Variants in PTPN4 observed in about 807,000 individuals in gnomAD.
PTPN4 encodes the protein tyrosine-protein phosphatase non-receptor type 4.
PTPN4 carries 49 observed loss-of-function variants against 135.5 expected under a neutral mutation model. The ratio of observed to expected loss-of-function variants is 0.36; its 90% CI spans 0.29 to 0.46. The LOEUF is 0.46. Among genes scored for constraint, PTPN4 ranks in the 20% least tolerant of loss-of-function variants. The pLI is 1.00. For missense variants in PTPN4, 860 were observed against 1,101.0 expected, an observed-to-expected ratio of 0.78 and a Z score of 3.10; for synonymous variants, 333 against 369.9, an observed-to-expected ratio of 0.90 and a Z score of 1.14.
At chr2:119,776,271 G>A (rs1039550726) in intron 1 of PTPN4, among the ~76,000 whole-genome samples, 6 of 152,286 alleles carry the variant, frequency 3.9e-5, no homozygotes, top group Admixed American at 3.9e-4. Flanking sequence ...CGCCTCCTGG[G>A]TTCACGCCAT....
At chr2:119,882,174 C>G in intron 7 of PTPN4, 25 bp downstream of exon 7, 1 of 1,573,258 alleles carries the variant, frequency 6.4e-7, no homozygotes, top group Non-Finnish European at 8.7e-7. Context: ...ATTTTTAGGT[C>G]AAATAGCATA....
rs897302295 is a variant in PTPN4 at position 119,952,289 on chromosome 2, G to GC, written c.1813+167dup. ...ACGTGGAGCAGAATTCAAGTTCTTT[G>GC]CCCCCCCACCCCTTGCTCCCACTCA... is the stretch of plus-strand genomic sequence containing the variant. On this transcript the variant is annotated intron_variant, in intron 19 of 26. Transcript: ENST00000263708. 5.9e-5 allele frequency among the ~76,000 whole-genome samples: 9 copies of GC among 151,496 alleles called. No individual in the cohort carries two copies. In the South Asian group the frequency reaches 6.3e-4, roughly 11 times the overall value.
chr2:119,882,566 T>C lies in PTPN4; in HGVS notation c.530T>C (p.Ile177Thr). The change falls in exon 8 of 27, where the codon ATT (isoleucine) becomes ACT (threonine). Residue 177 changes from isoleucine to threonine, a missense_variant. Physicochemically the swap from Ile to Thr is moderately conservative, Grantham distance 89 (BLOSUM62 -1). This residue lies in a region of PTPN4 where 684 missense variants were observed against 807.0 expected (regional missense o/e 0.85). Transcript: ENST00000263708. ...LSGYLSDYSF[I>T]PNQPQDFEKE... ...GGCTACCTCTCAGATTATTCTTTCA[T>C]TCCTAATCAACCTCAAGATTTTGAA... The C allele has an allele frequency of 6.4e-7, 1 of 1,559,486 alleles. No individual in the cohort carries two copies. The highest frequency in any genetic ancestry group is 8.8e-7 in the Non-Finnish European group (1 of 1,142,198).
chr2:119,930,187 C>T (rs1678884504), intron 13 of PTPN4, among the ~76,000 whole-genome samples: 3 of 152,078 alleles, frequency 2.0e-5, no homozygotes, highest in Admixed American at 2.0e-4. Context: ...GGGAAATGTT[C>T]ACACCTAAAT....
At chr2:119,780,614 T>TC (rs1558723344) in intron 1 of PTPN4, among the ~76,000 whole-genome samples, 1 of 152,232 alleles carries the variant, frequency 6.6e-6, no homozygotes, top group Non-Finnish European at 1.5e-5. Flanking sequence ...TTTTATTTCA[T>TC]CACTAGATTC....
intron 15 of PTPN4, among the ~76,000 whole-genome samples, chr2:119,939,692 T>G (rs1679034290): frequency 6.6e-6 from 1 of 152,166 alleles, no homozygotes; most frequent in South Asian, 2.1e-4. Context: ...CGCAGCTTTG[T>G]CTATACCTCT....
At chr2:119,932,069 G>A (rs535184888) in intron 13 of PTPN4, among the ~76,000 whole-genome samples, 2 of 152,262 alleles carry the variant, frequency 1.3e-5, no homozygotes, top group South Asian at 4.2e-4. Flanking sequence ...CAGATACTCT[G>A]GAATAGAAGT....
At chr2:119,822,548 G>A (rs1440525316) in intron 2 of PTPN4, among the ~76,000 whole-genome samples, 1 of 152,038 alleles carries the variant, frequency 6.6e-6, no homozygotes, top group African/African-American at 2.4e-5. Flanking sequence ...TAGTAGAGAC[G>A]GGGTTTCACT....
rs1040635711 is a variant in PTPN4, at chr2:119,822,362, C to CT, written c.138+12371_138+12372insT. Reference sequence around the variant, plus strand: ...AAGTGTATTAGTATCCCCTCCCCCCCCCTTTTTTTTTTTTGAGATGGATTC... The same window carrying CT: ...AAGTGTATTAGTATCCCCTCCCCCCCTCCTTTTTTTTTTTTGAGATGGATTC... On this transcript the variant is annotated intron_variant, in intron 2 of 26. Coordinates refer to ENST00000263708, the MANE Select transcript of PTPN4 (RefSeq NM_002830.4). Among the ~76,000 whole-genome samples the CT allele has an allele frequency of 1.4e-4, 18 of 130,558 alleles. No homozygotes were observed. In the South Asian group the frequency reaches 5.5e-3, roughly 40 times the overall value. The allele number at this position is 130,558 out of a possible 152,430, so 85.7% of individuals were successfully genotyped here. A position where few individuals can be genotyped will look rare whatever the true frequency, so the allele number is the denominator to read the frequency against.
chr2:119,942,779 A>G (rs878984303), intron 15 of PTPN4, among the ~76,000 whole-genome samples: 2 of 152,110 alleles, frequency 1.3e-5, no homozygotes, highest in South Asian at 2.1e-4. Context: ...CTCTAATCCT[A>G]TGTAGTAGGC....
At chr2:119,913,914 AT>A (rs201601687) in intron 10 of PTPN4, among the ~76,000 whole-genome samples, 3,158 of 152,306 alleles carry the variant, frequency 0.021, 59 homozygotes, top group Non-Finnish European at 0.033. Context: ...TGTTTGAAAG[AT>A]TTTTAATTTA....
chr2:119,967,104 A>C (rs922307231), intron 25 of PTPN4, among the ~76,000 whole-genome samples: 19 of 152,378 alleles, frequency 1.2e-4, no homozygotes, highest in African/African-American at 4.3e-4. Context: ...TCGTGTTCAC[A>C]GATTAGAAGT....
intron 20 of PTPN4, among the ~76,000 whole-genome samples, chr2:119,956,023 G>T (rs911589765): frequency 6.6e-6 from 1 of 151,812 alleles, no homozygotes; most frequent in Non-Finnish European, 1.5e-5. Flanking sequence ...TATTTTTGAA[G>T]TTTATACCTT....
intron 26 of PTPN4, 25 bp from the exon 27 acceptor site, chr2:119,976,957 TTC>T: frequency 6.3e-7 from 1 of 1,595,686 alleles, no homozygotes; most frequent in Non-Finnish European, 8.5e-7. Context: ...TTCTGATCAG[TTC>T]TGTTTTTTAT....
chr2:119,838,282 G>C (rs1024060048), intron 2 of PTPN4, among the ~76,000 whole-genome samples: 1 of 151,924 alleles, frequency 6.6e-6, no homozygotes, highest in Non-Finnish European at 1.5e-5. Flanking sequence ...CATGTACCAG[G>C]TGTAGCCTGC....
intron 10 of PTPN4, among the ~76,000 whole-genome samples, chr2:119,912,911 A>G (rs1678594768): frequency 6.6e-6 from 1 of 152,134 alleles, no homozygotes; most frequent in Non-Finnish European, 1.5e-5. Flanking sequence ...GTCTTAGGCA[A>G]TCACTAATCA....
At chr2:119,787,233 G>A (rs922882144) in intron 1 of PTPN4, among the ~76,000 whole-genome samples, 1 of 152,208 alleles carries the variant, frequency 6.6e-6, no homozygotes, top group Non-Finnish European at 1.5e-5. Context: ...GGCTGCTAGT[G>A]TTCCAGAAAC....
intron 1 of PTPN4, among the ~76,000 whole-genome samples, chr2:119,794,416 G>A (rs979804689): frequency 6.6e-6 from 1 of 152,090 alleles, no homozygotes; most frequent in Non-Finnish European, 1.5e-5. Flanking sequence ...GAGCAGCAAG[G>A]CGTGTGTGGA....
chr2:119,892,581 G>A (rs1343706650), intron 9 of PTPN4, among the ~76,000 whole-genome samples: 1 of 152,182 alleles, frequency 6.6e-6, no homozygotes, highest in Admixed American at 6.5e-5. Flanking sequence ...GCAGAGGAAA[G>A]AGCAATGAAA....
Sources: allele counts gnomAD v4.1 joint callset (sites outside exome capture counted in the v4.1 genomes callset), GRCh38; gene constraint gnomAD v4.1.1; regional missense constraint gnomAD v4.1.1; transcripts MANE v1.5; gene names NCBI Gene and HGNC (gene_info 2026-07-23, HGNC 2026-07-21).